COL4A3: variants seen among roughly 807,000 people sequenced by gnomAD.
COL4A3 encodes the protein collagen alpha-3(IV) chain.
Under a neutral mutation model 217.4 loss-of-function variants are expected in COL4A3, and 135 were observed. The ratio of observed to expected loss-of-function variants is 0.62; its 90% confidence interval spans 0.54 to 0.72. COL4A3 has a LOEUF of 0.72. Among genes scored for constraint, COL4A3 ranks in the 30% least tolerant of loss-of-function variants. COL4A3 has a pLI of 0.00. For synonymous variants in COL4A3, 690 were observed against 736.3 expected (o/e 0.94, Z 1.02); for missense variants, 1,868 against 2,119.9 (o/e 0.88, Z 2.33).
At chr2:227,260,790 G>A (rs2070508310) in intron 19 of COL4A3, among the ~76,000 whole-genome samples, 2 of 152,068 alleles carry the variant, frequency 1.3e-5, no homozygotes, top group Admixed American at 6.5e-5. Flanking sequence ...ATTTTCTGGT[G>A]TCTACACTTC....
chr2:227,241,409 C>A (rs1419215720), intron 3 of COL4A3, among the ~76,000 whole-genome samples: 2 of 152,208 alleles, frequency 1.3e-5, no homozygotes, highest in African/African-American at 4.8e-5. Flanking sequence ...CACAGTGGCT[C>A]ATGCCTGTAA....
chr2:227,205,498 A>G (rs571593051), intron 1 of COL4A3, among the ~76,000 whole-genome samples: 1 of 152,268 alleles, frequency 6.6e-6, no homozygotes, highest in South Asian at 2.1e-4. Flanking sequence ...TATAGAATGA[A>G]TATTTTATAT....
intron 1 of COL4A3, among the ~76,000 whole-genome samples, chr2:227,176,387 A>G (rs1006944492): frequency 1.3e-5 from 2 of 152,066 alleles, no homozygotes; most frequent in African/African-American, 2.4e-5. Flanking sequence ...ACGTATATTT[A>G]AATAATATTT....
chr2:227,283,189 C>T (rs61506579), intron 32 of COL4A3, among the ~76,000 whole-genome samples: 4,368 of 152,140 alleles, frequency 0.029, 231 homozygotes, highest in African/African-American at 0.1. Context: ...AATTTCATGG[C>T]TATGTTTATT....
At position 227,187,064 on chromosome 2, in the gene COL4A3, C is replaced by T. The variant is rs547682539; in HGVS notation, c.87+22251C>T. 6.0e-4 allele frequency among the ~76,000 whole-genome samples: 91 copies of T among 152,292 alleles called. 1 individual carries two copies. The South Asian group carries it at 0.018, about 31-fold the overall frequency. Reference sequence around the variant, plus strand: ...TCCTCTTGATGGTGTTCTCCTCACTCATTAGAGATTTTCCAGATATTTTTA... The same window carrying T: ...TCCTCTTGATGGTGTTCTCCTCACTTATTAGAGATTTTCCAGATATTTTTA... On this transcript the variant is annotated intron_variant, in intron 1 of 51. Transcript: ENST00000396578.
intron 31 of COL4A3, chr2:227,281,706 C>G (rs2071975591): frequency 6.5e-6 from 1 of 152,764 alleles, no homozygotes; most frequent in South Asian, 2.1e-4. Flanking sequence ...TGGCTTACCT[C>G]TATGCGAACG....
chr2:227,247,640 G>A, intron 8 of COL4A3, 56 bp downstream of exon 8: 1 of 1,534,586 alleles, frequency 6.5e-7, no homozygotes, highest in South Asian at 1.1e-5. Flanking sequence ...ATATGAAAAG[G>A]ACGTCTATTA....
At position 227,246,031 on chromosome 2, in the gene COL4A3, C is replaced by T; in HGVS notation, c.387+15C>T. The stretch of plus-strand genomic sequence containing the variant: ...GTGGTTCTAAGGTAAGTACTTTTCA[C>T]ACAGAAGATGATTAATAAATGCTTT... On this transcript the variant is annotated intron_variant, in intron 6 of 51. Transcript: ENST00000396578. The T allele has an allele frequency of 1.3e-6, 2 of 1,588,956 alleles. No individual in the cohort carries two copies. The highest frequency in any genetic ancestry group is 8.6e-7 in the Non-Finnish European group (1 of 1,157,204).
chr2:227,312,148 T>A lies in COL4A3; in HGVS notation c.*278T>A. 2.4e-6 allele frequency: 1 copy of A among 420,656 alleles called. No individual in the cohort carries two copies. The highest frequency in any genetic ancestry group is 4.4e-6 in the Non-Finnish European group (1 of 226,142). The allele number at this position is 420,656 out of a possible 1,614,324, so 26.1% of individuals were successfully genotyped here. A position where few individuals can be genotyped will look rare whatever the true frequency, so the allele number is the denominator to read the frequency against. Reference sequence around the variant, plus strand: ...CCTATTCCACTTACATCCAAGGCACTGTCACTACGGTGATTGTATGAAGTT... The same window carrying A: ...CCTATTCCACTTACATCCAAGGCACAGTCACTACGGTGATTGTATGAAGTT... On this transcript the variant is annotated 3_prime_UTR_variant, in exon 52 of 52. Coordinates refer to ENST00000396578, the MANE Select transcript of COL4A3 (RefSeq NM_000091.5).
In COL4A3 at chr2:227,253,660, T is replaced by C; in HGVS notation, c.765+22T>C. ...AACGGTAACTCTGCGATTTTATGATTAGTGTTGTGCCTTCCCGTGTCTAGG... is the reference window on the plus strand; with the variant it reads ...AACGGTAACTCTGCGATTTTATGATCAGTGTTGTGCCTTCCCGTGTCTAGG... On this transcript the variant is annotated intron_variant, in intron 13 of 51. Coordinates refer to ENST00000396578, the MANE Select transcript of COL4A3 (RefSeq NM_000091.5). The surrounding 1 kb of genome is among the most constrained non-coding windows in gnomAD (Gnocchi z 4.4). 2 of 1,594,546 alleles carry C rather than the reference T, an allele frequency of 1.3e-6. No individual in the cohort carries two copies. The highest frequency in any genetic ancestry group is 1.1e-5 in the South Asian group (1 of 90,682).
intron 25 of COL4A3, among the ~76,000 whole-genome samples, chr2:227,272,508 T>A (rs985173242): frequency 6.6e-6 from 1 of 152,210 alleles, no homozygotes; most frequent in Non-Finnish European, 1.5e-5. Flanking sequence ...AACTAGACAG[T>A]TTATGAGAGA....
chr2:227,263,554 A>C (rs2070720294), intron 20 of COL4A3, among the ~76,000 whole-genome samples: 1 of 152,144 alleles, frequency 6.6e-6, no homozygotes, highest in Non-Finnish European at 1.5e-5. Flanking sequence ...CTTGTAATAA[A>C]TTTTCTTGTG....
rs1437063843 is a variant in COL4A3 at position 227,249,228 on chromosome 2, A to ATTTTTT, written c.546+709_546+710insTTTTTT. Reference sequence around the variant, plus strand: ...AATTAGCTAGTATATATATATATATATATTTTTTTTTTTTTTTTTTTTTTT... The same window carrying ATTTTTT: ...AATTAGCTAGTATATATATATATATATTTTTTTATTTTTTTTTTTTTTTTTTTTTTT... On this transcript the variant is annotated intron_variant, in intron 9 of 51. Coordinates refer to ENST00000396578, the MANE Select transcript of COL4A3 (RefSeq NM_000091.5). Among the ~76,000 whole-genome samples, 11 of 22,188 alleles carry ATTTTTT rather than the reference A, an allele frequency of 5.0e-4. 1 individual carries two copies. Among genetic ancestry groups the ATTTTTT allele is most frequent in the East Asian group, 2.7e-3 (2 of 752 alleles). 14.6% of individuals were successfully genotyped at this position (22,188 alleles called of 152,430 possible).
Position 227,282,297 on chromosome 2 carries a change from T to C in COL4A3, c.2489-68T>C. 2.5e-6 allele frequency: 2 copies of C among 791,982 alleles called. No individual in the cohort carries two copies. Among genetic ancestry groups the C allele is most frequent in the East Asian group, 3.8e-5 (1 of 26,510 alleles). The allele number at this position is 791,982 out of a possible 1,614,324, so 49.1% of individuals were successfully genotyped here. ...AAAAATATATATATATATATATATA[T>C]ATATTTCTGAAGTTAGTAGGGGAAA... is the stretch of plus-strand genomic sequence containing the variant. On this transcript the variant is annotated intron_variant, in intron 31 of 51. Transcript: ENST00000396578. The surrounding 1 kb of genome is among the most constrained non-coding windows in gnomAD (Gnocchi z 4.4).
chr2:227,240,126 C>T lies in COL4A3; in HGVS notation c.145-17C>T, dbSNP rs1398213359. 3 of 1,589,834 alleles carry T rather than the reference C, an allele frequency of 1.9e-6. No individual in the cohort carries two copies. The highest frequency in any genetic ancestry group is 1.3e-5 in the African/African-American group (1 of 74,494). On this transcript the variant is annotated splice_polypyrimidine_tract_variant and intron_variant, in intron 2 of 51. Coordinates refer to ENST00000396578, the MANE Select transcript of COL4A3 (RefSeq NM_000091.5). ...TTGCTGCTCTGTGTGTTTCTCACCT[C>T]GTTTTGGTTTTAACAGGGGGAGAAG...
intron 1 of COL4A3, among the ~76,000 whole-genome samples, chr2:227,178,135 G>A (rs1040890372): frequency 3.3e-5 from 5 of 152,182 alleles, no homozygotes; most frequent in Non-Finnish European, 5.9e-5. Flanking sequence ...AGCACTTTGG[G>A]AGGCCAGGGC....
rs751356130 is a variant in COL4A3 at position 227,273,098 on chromosome 2, C to T, written c.1908C>T (p.Pro636=). The change falls in exon 26 of 52, where the codon CCC becomes CCT. Residue 636 remains proline, a synonymous_variant. Coordinates refer to ENST00000396578, the MANE Select transcript of COL4A3 (RefSeq NM_000091.5). ...GCACGCAAGGAGTTCCTGGAGCCCC[C>T]GGACCACCCGGAGAAGCCGGTTGGT... ...LQGTQGVPGA[P]GPPGEAGPRG... 27 of 1,613,624 alleles carry T rather than the reference C, an allele frequency of 1.7e-5. No homozygotes were observed. The highest frequency in any genetic ancestry group is 2.7e-5 in the African/African-American group (2 of 74,884).
intron 1 of COL4A3, among the ~76,000 whole-genome samples, chr2:227,187,197 ATCT>A (rs2125690927): frequency 6.6e-6 from 1 of 152,312 alleles, no homozygotes; most frequent in South Asian, 2.1e-4. Flanking sequence ...TAATTTTTCC[ATCT>A]TCTTCAGGAA....
chr2:227,312,839 G>A lies in COL4A3; in HGVS notation c.*969G>A, dbSNP rs188150740. 5.9e-3 allele frequency: 902 copies of A among 152,136 alleles called. 33 individuals are homozygous for A. Among genetic ancestry groups the A allele is most frequent in the Non-Finnish European group, 1.1e-3 (78 of 67,954 alleles). The allele number at this position is 152,136 out of a possible 1,614,324, so 9.4% of individuals were successfully genotyped here. A position where few individuals can be genotyped will look rare whatever the true frequency, so the allele number is the denominator to read the frequency against. On this transcript the variant is annotated 3_prime_UTR_variant, in exon 52 of 52. Transcript: ENST00000396578. ...AGGCATTTGTTGGTTTATCAGACTC[G>A]GAATCTATTTTCTCATTGCTCTGAA... is the stretch of plus-strand genomic sequence containing the variant.
Sources: allele counts gnomAD v4.1 joint callset (sites outside exome capture counted in the v4.1 genomes callset), GRCh38; gene constraint gnomAD v4.1.1; non-coding constraint Gnocchi (gnomAD v3.1); transcripts MANE v1.5; gene names NCBI Gene and HGNC (gene_info 2026-07-23, HGNC 2026-07-21).